LSAMP: variants seen among roughly 807,000 people sequenced by gnomAD.
LSAMP encodes the protein limbic system-associated membrane protein.
In LSAMP, 7 loss-of-function variants were observed where a neutral mutation model predicts 38.6. The observed-to-expected ratio is 0.18, with a 90% CI of 0.10 to 0.34. The LOEUF (loss-of-function observed/expected upper bound fraction) is 0.34, where lower values mean the gene tolerates loss of function less well. LSAMP is among the 10% of genes least tolerant of loss of function. The pLI, the probability that LSAMP is intolerant of heterozygous loss-of-function variation, is 1.00. For synonymous variants in LSAMP, 154 were observed against 166.8 expected, an observed-to-expected ratio of 0.92 and a Z score of 0.59; for missense variants, 313 against 420.0, an observed-to-expected ratio of 0.75 and a Z score of 2.23.
rs1692794667 is a variant in LSAMP, at chr3:116,445,374, A to G, written c.-343T>C. The G allele has an allele frequency of 1.2e-5, 4 of 346,792 alleles. No individual in the cohort carries two copies. In the South Asian group the frequency reaches 1.2e-4, roughly 10 times the overall value. 21.5% of individuals were successfully genotyped at this position (346,792 alleles called of 1,614,324 possible). On this transcript the variant is annotated 5_prime_UTR_variant, in exon 1 of 7. Transcript: ENST00000490035. ...CTCTGTGACTGGATGCTCCTCTGCC[A>G]GTGTCTGAGCTGAGCTCCTTCGCTC... is the stretch of plus-strand genomic sequence containing the variant.
At chr3:116,131,182 A>G (rs555319064) in intron 1 of LSAMP, among the ~76,000 whole-genome samples, 48 of 151,890 alleles carry the variant, frequency 3.2e-4, no homozygotes, top group East Asian at 7.8e-4. Flanking sequence ...TAGTAGAGAC[A>G]GGGTTTCACT....
chr3:115,833,475 T>C (rs1934685813), intron 6 of LSAMP, among the ~76,000 whole-genome samples: 1 of 151,866 alleles, frequency 6.6e-6, no homozygotes. Flanking sequence ...TAGTTGATCC[T>C]TGAAACCTTG....
chr3:116,044,818 T>TG (rs763947563), intron 2 of LSAMP, among the ~76,000 whole-genome samples: 16 of 152,078 alleles, frequency 1.1e-4, no homozygotes, highest in Non-Finnish European at 1.9e-4. Context: ...GAGGTGAGCA[T>TG]GGGGAGCTCA....
chr3:115,845,480 T>A (rs6799374), intron 4 of LSAMP, among the ~76,000 whole-genome samples: 1 of 152,168 alleles, frequency 6.6e-6, no homozygotes, highest in Admixed American at 6.5e-5. Flanking sequence ...TTTTTCTGAT[T>A]GAAAAATTTG....
intron 3 of LSAMP, among the ~76,000 whole-genome samples, chr3:115,913,895 C>A (rs760747251): frequency 6.6e-6 from 1 of 151,904 alleles, no homozygotes; most frequent in African/African-American, 2.4e-5. Flanking sequence ...ATGTATTAAA[C>A]GAATCATGTA....
At chr3:116,382,158 T>C (rs1030509856) in intron 1 of LSAMP, among the ~76,000 whole-genome samples, 1 of 152,076 alleles carries the variant, frequency 6.6e-6, no homozygotes, top group African/African-American at 2.4e-5. Context: ...TTACTGGGTA[T>C]ATACCCAAAG....
intron 1 of LSAMP, among the ~76,000 whole-genome samples, chr3:116,263,554 G>A (rs1396004936): frequency 4.8e-5 from 7 of 145,872 alleles, no homozygotes; most frequent in African/African-American, 1.5e-4. Context: ...AAAAAAAAAA[G>A]ATGAATATTT....
intron 1 of LSAMP, among the ~76,000 whole-genome samples, chr3:116,156,187 C>T (rs1052230338): frequency 1.3e-5 from 2 of 151,970 alleles, no homozygotes; most frequent in African/African-American, 4.8e-5. Context: ...TCCCACACTG[C>T]AGGAAAGGAA....
chr3:116,010,974 T>C (rs1267535440), intron 3 of LSAMP, among the ~76,000 whole-genome samples: 4 of 152,238 alleles, frequency 2.6e-5, no homozygotes, highest in African/African-American at 7.2e-5. Context: ...TGCCAATTAA[T>C]ATCTTGAAAA....
intron 1 of LSAMP, among the ~76,000 whole-genome samples, chr3:116,362,796 T>G (rs1387836940): frequency 1.2e-5 from 1 of 84,450 alleles, no homozygotes; most frequent in Non-Finnish European, 2.1e-5. Flanking sequence ...GAAATAAAGA[T>G]GTTCTTTGAA....
chr3:115,959,750 A>T (rs1431405045), intron 3 of LSAMP, among the ~76,000 whole-genome samples: 1 of 152,026 alleles, frequency 6.6e-6, no homozygotes, highest in Non-Finnish European at 1.5e-5. Context: ...CACACTAAAC[A>T]CTCACTAAAA....
intron 2 of LSAMP, among the ~76,000 whole-genome samples, chr3:116,061,013 A>G (rs988302393): frequency 6.6e-6 from 1 of 152,128 alleles, no homozygotes; most frequent in Non-Finnish European, 1.5e-5. Context: ...AGACATGAGA[A>G]TATCATCCTC....
intron 1 of LSAMP, among the ~76,000 whole-genome samples, chr3:116,209,989 C>A (rs576283896): frequency 6.6e-6 from 1 of 152,110 alleles, no homozygotes; most frequent in Non-Finnish European, 1.5e-5. Flanking sequence ...CTCTTGACTT[C>A]GTGATCCGCC....
intron 3 of LSAMP, among the ~76,000 whole-genome samples, chr3:115,954,695 C>T (rs556218638): frequency 2.6e-5 from 4 of 152,148 alleles, no homozygotes. Flanking sequence ...AAGGAAAAGG[C>T]GTTCTCTCTC....
chr3:116,385,074 T>A (rs2048607282), intron 1 of LSAMP, among the ~76,000 whole-genome samples: 1 of 151,200 alleles, frequency 6.6e-6, no homozygotes, highest in Non-Finnish European at 1.5e-5. Flanking sequence ...TAGCTCCTTT[T>A]ATTTCCATAG....
chr3:116,440,766 G>T (rs547448541), intron 1 of LSAMP, among the ~76,000 whole-genome samples: 1 of 152,134 alleles, frequency 6.6e-6, no homozygotes, highest in Non-Finnish European at 1.5e-5. Context: ...ACAGTATCAG[G>T]GCTAACCAAC....
intron 1 of LSAMP, among the ~76,000 whole-genome samples, chr3:116,303,097 A>AAAT (rs147711126): frequency 0.096 from 14,596 of 152,256 alleles, 823 homozygotes; most frequent in Middle Eastern, 0.16. Context: ...AATGCCAAAA[A>AAAT]AATGAAATAG....
At chr3:116,215,794 G>A (rs774904453) in intron 1 of LSAMP, among the ~76,000 whole-genome samples, 26 of 152,260 alleles carry the variant, frequency 1.7e-4, no homozygotes, top group African/African-American at 5.8e-4. Flanking sequence ...CATGGTAGGC[G>A]GGGATAAGGG....
intron 1 of LSAMP, among the ~76,000 whole-genome samples, chr3:116,141,092 C>T (rs1709359159): frequency 6.6e-6 from 1 of 151,892 alleles, no homozygotes; most frequent in South Asian, 2.1e-4. Context: ...GACTTAAGGC[C>T]TATTCCTTCC....
Sources: gnomAD v4.1 joint callset for allele counts (sites outside exome capture counted in the v4.1 genomes callset) on GRCh38, gnomAD v4.1.1 for gene constraint, MANE v1.5 for transcripts, NCBI Gene and HGNC (gene_info 2026-07-23, HGNC 2026-07-21) for gene names.